SLC9A3: variants seen among roughly 807,000 people sequenced by gnomAD.
SLC9A3 encodes solute carrier family 9 member A3.
SLC9A3 carries 37 observed loss-of-function variants against 86.8 expected under a neutral mutation model. The ratio of observed to expected loss-of-function variants is 0.43; its 90% CI spans 0.33 to 0.56. The LOEUF (loss-of-function observed/expected upper bound fraction) is 0.56, where lower values mean the gene tolerates loss of function less well. Among genes scored for constraint, SLC9A3 ranks in the 20% least tolerant of loss-of-function variants. The probability of loss-of-function intolerance (pLI) is 0.06; values close to 1 mark genes in which losing one functional copy is unlikely to be tolerated. For synonymous variants in SLC9A3, 581 were observed against 528.3 expected (o/e 1.10, Z -1.37); for missense variants, 1,011 against 1,171.9 (o/e 0.86, Z 2.00).
chr5:524,215 G>C lies in SLC9A3; in HGVS notation c.108C>G (p.His36Gln). Residue 36 changes from histidine to glutamine, a missense_variant, in exon 1 of 17, where the codon CAC becomes CAG. Coordinates refer to ENST00000264938, the MANE Select transcript of SLC9A3 (RefSeq NM_004174.4). ...GGVEVEPGGA[H>Q]GESGGFQVVT... ...CCACCTGGAAGCCCCCGCTCTCGCC[G>C]TGCGCGCCGCCGGGCTCCACCTCGA... The C allele has an allele frequency of 6.6e-7, 1 of 1,520,100 alleles. No homozygotes were observed. The highest frequency in any genetic ancestry group is 8.8e-7 in the Non-Finnish European group (1 of 1,135,678). 94.2% of individuals were successfully genotyped at this position (1,520,100 alleles called of 1,614,324 possible).
chr5:475,930 T>C (rs1489047328), intron 14 of SLC9A3, 90 bp downstream of exon 14: 4 of 1,166,256 alleles, frequency 3.4e-6, no homozygotes, highest in South Asian at 1.5e-5. Context: ...GAGGGGAAGG[T>C]CCTGAGAGGG....
At chr5:476,881 C>A (rs1232419924) in intron 11 of SLC9A3, among the ~76,000 whole-genome samples, 3 of 152,252 alleles carry the variant, frequency 2.0e-5, no homozygotes, top group Admixed American at 6.5e-5. Context: ...CCCCACGAGG[C>A]CTTCCTGGCC....
chr5:520,057 C>T (rs1289125250), intron 1 of SLC9A3, among the ~76,000 whole-genome samples: 2 of 152,168 alleles, frequency 1.3e-5, no homozygotes, highest in Admixed American at 6.5e-5. Flanking sequence ...GCCCCCACCG[C>T]CCCCACCCAG....
chr5:498,430 T>A (rs545065320), intron 1 of SLC9A3, among the ~76,000 whole-genome samples: 32 of 152,310 alleles, frequency 2.1e-4, no homozygotes, highest in Admixed American at 1.7e-3. Flanking sequence ...TGAGACATCA[T>A]CTCGTTCTGT....
At chr5:475,310 G>A in intron 15 of SLC9A3, 178 bp from the exon 16 acceptor site, 1 of 657,290 alleles carries the variant, frequency 1.5e-6, no homozygotes, top group Non-Finnish European at 2.6e-6. Flanking sequence ...ACACGCCACA[G>A]GCAGCACAGG....
chr5:480,372 T>TTAGAG (rs1739088594), intron 9 of SLC9A3: 2 of 168,052 alleles, frequency 1.2e-5, no homozygotes, highest in African/African-American at 2.4e-5. Flanking sequence ...CCTAACGGAA[T>TTAGAG]TAGAGTATTC....
At chr5:498,182 C>T (rs1486838695) in intron 1 of SLC9A3, among the ~76,000 whole-genome samples, 3 of 152,242 alleles carry the variant, frequency 2.0e-5, no homozygotes, top group Admixed American at 6.5e-5. Flanking sequence ...CTCGGTCCGA[C>T]GCTGAGGGGT....
At chr5:522,099 GC>G (rs1733899188) in intron 1 of SLC9A3, among the ~76,000 whole-genome samples, 1 of 73,960 alleles carries the variant, frequency 1.4e-5, no homozygotes, top group South Asian at 3.6e-4. Context: ...AGCTCCCACA[GC>G]TGCACAGGGT....
intron 1 of SLC9A3, among the ~76,000 whole-genome samples, chr5:523,834 G>A (rs1354335927): frequency 6.6e-6 from 1 of 152,208 alleles, no homozygotes; most frequent in Non-Finnish European, 1.5e-5. Flanking sequence ...GCTCGGAGCG[G>A]AGGCGGGGCG....
intron 1 of SLC9A3, among the ~76,000 whole-genome samples, chr5:500,907 G>A (rs975095928): frequency 6.6e-6 from 1 of 151,784 alleles, no homozygotes; most frequent in African/African-American, 2.4e-5. Context: ...CGGTGTGGAC[G>A]AGGCTGGTGT....
At chr5:475,927 A>C in intron 14 of SLC9A3, 93 bp downstream of exon 14, 2 of 1,107,626 alleles carry the variant, frequency 1.8e-6, no homozygotes, top group Non-Finnish European at 2.6e-6. Flanking sequence ...CCAGAGGGGA[A>C]GGTCCTGAGA....
At chr5:503,641 T>C (rs998125372) in intron 1 of SLC9A3, among the ~76,000 whole-genome samples, 1 of 152,230 alleles carries the variant, frequency 6.6e-6, no homozygotes, top group African/African-American at 2.4e-5. Context: ...CACACATTTA[T>C]AGATTTGAGA....
At chr5:506,403 G>T (rs1740584130) in intron 1 of SLC9A3, among the ~76,000 whole-genome samples, 1 of 152,190 alleles carries the variant, frequency 6.6e-6, no homozygotes, top group Admixed American at 6.5e-5. Flanking sequence ...CTCACGCGAG[G>T]TGTGCCCCGT....
rs747409325 is a variant in SLC9A3 at position 484,639 on chromosome 5, C to T, written c.813G>A (p.Leu271=). The stretch of plus-strand genomic sequence containing the variant: ...TGGTGAAGCGCGTCACCAGCGACAG[C>T]AGGAAGGCGAAGACCACCCCCACCA... The part of the protein sequence containing the change: ...GTLVGVVFAF[L]LSLVTRFTKH... The change falls in exon 5 of 17, where the codon CTG becomes CTA. Residue 271 remains leucine, a synonymous_variant. Coordinates refer to ENST00000264938, the MANE Select transcript of SLC9A3 (RefSeq NM_004174.4). 6.2e-7 allele frequency: 1 copy of T among 1,613,108 alleles called. No individual in the cohort carries two copies. The highest frequency in any genetic ancestry group is 1.7e-5 in the Admixed American group (1 of 60,014).
intron 1 of SLC9A3, among the ~76,000 whole-genome samples, chr5:499,346 G>C (rs576333721): frequency 1.7e-4 from 26 of 152,362 alleles, no homozygotes; most frequent in African/African-American, 4.8e-4. Context: ...GGTATTGAGT[G>C]CCAGGGACTG....
chr5:474,884 T>A lies in SLC9A3; in HGVS notation c.2500A>T (p.Met834Leu), dbSNP rs756462809. The change falls in exon 16 of 17, where the codon ATG becomes TTG. Residue 834 changes from methionine (M) to leucine (L), a missense_variant and splice_region_variant. Coordinates refer to ENST00000264938, the MANE Select transcript of SLC9A3 (RefSeq NM_004174.4). ...PPAALPESTH[M>L] ...CGGCGGGAGGCCCGGGAGCGTTACA[T>A]GTGTGTGGACTCGGGGAGGGCGGCG... The A allele has an allele frequency of 6.3e-7, 1 of 1,593,636 alleles. No homozygotes were observed. The highest frequency in any genetic ancestry group is 8.5e-7 in the Non-Finnish European group (1 of 1,171,424).
intron 9 of SLC9A3, 107 bp downstream of exon 9, chr5:481,458 C>G: frequency 1.0e-6 from 1 of 981,904 alleles, no homozygotes; most frequent in Non-Finnish European, 1.6e-6. Context: ...CCTGACCAAG[C>G]CTGGACTCAA....
chr5:483,380 G>A lies in SLC9A3; in HGVS notation c.1035C>T (p.Ser345=), dbSNP rs759093164. 9.5e-5 allele frequency: 149 copies of A among 1,572,342 alleles called. No individual in the cohort carries two copies. The highest frequency in any genetic ancestry group is 5.7e-4 in the South Asian group (49 of 85,728). ...VRYTMKMLAS[S]AETIIFMFLG... ...GGAACATGAAGATGATGGTCTCGGC[G>A]CTGCTGGCCAGCATCTTCATGGTGT... is the stretch of plus-strand genomic sequence containing the variant. The change falls in exon 6 of 17, where the codon AGC becomes AGT. Residue 345 remains serine, a synonymous_variant. Transcript: ENST00000264938.
rs576801356 is a variant in SLC9A3, at chr5:504,547, G to A, written c.212-12476C>T. On this transcript the variant is annotated intron_variant, in intron 1 of 16. Transcript: ENST00000264938. ...GGGACCTTCAGACCACACAGCAAGC[G>A]GCCAGATCTCAGGCTCCCCGGGCTC... 4.6e-5 allele frequency among the ~76,000 whole-genome samples: 7 copies of A among 152,288 alleles called. No homozygotes were observed. In the East Asian group the frequency reaches 5.8e-4, roughly 13 times the overall value.
Sources: gnomAD v4.1 joint callset for allele counts (sites outside exome capture counted in the v4.1 genomes callset) on GRCh38, gnomAD v4.1.1 for gene constraint, MANE v1.5 for transcripts, NCBI Gene and HGNC (gene_info 2026-07-23, HGNC 2026-07-21) for gene names.